Variants in CSMD1 observed in about 807,000 individuals in gnomAD.
CSMD1 encodes CUB and sushi domain-containing protein 1.
Under a neutral mutation model 417.5 loss-of-function variants are expected in CSMD1, and 213 were observed. The observed-to-expected ratio is 0.51, with a 90% CI of 0.46 to 0.57. CSMD1 has a LOEUF of 0.57. CSMD1 is among the 20% of genes least tolerant of loss of function. The pLI is 0.00. For synonymous variants in CSMD1, 2,862 were observed against 1,736.8 expected, an observed-to-expected ratio of 1.65 and a Z score of -16.11; for missense variants, 6,923 against 4,529.7, an observed-to-expected ratio of 1.53 and a Z score of -15.17.
chr8:3,897,986 C>T (rs192763682), intron 5 of CSMD1, among the ~76,000 whole-genome samples: 1 of 152,150 alleles, frequency 6.6e-6, no homozygotes, highest in African/African-American at 2.4e-5. Flanking sequence ...TCACGGAGAA[C>T]TGGAGAGCTC....
chr8:3,538,933 G>C (rs1051278223), intron 10 of CSMD1, among the ~76,000 whole-genome samples: 2 of 152,186 alleles, frequency 1.3e-5, no homozygotes, highest in African/African-American at 2.4e-5. Context: ...CCAGAGCAAC[G>C]TTTGTGAGAC....
chr8:3,787,646 G>T (rs1799518874), intron 5 of CSMD1, among the ~76,000 whole-genome samples: 1 of 152,054 alleles, frequency 6.6e-6, no homozygotes, highest in African/African-American at 2.4e-5. Flanking sequence ...GAGAAATAAG[G>T]CAGCTTGGTA....
At chr8:4,429,813 C>T (rs1468181256) in intron 2 of CSMD1, among the ~76,000 whole-genome samples, 2 of 152,114 alleles carry the variant, frequency 1.3e-5, no homozygotes, top group Non-Finnish European at 2.9e-5. Flanking sequence ...TCCCATCATA[C>T]CCAGGATCTC....
intron 8 of CSMD1, among the ~76,000 whole-genome samples, chr8:3,609,936 G>A (rs909091870): frequency 6.8e-6 from 1 of 147,506 alleles, no homozygotes; most frequent in African/African-American, 2.5e-5. Flanking sequence ...CAAGTAGCTG[G>A]GACTACGGGC....
intron 5 of CSMD1, among the ~76,000 whole-genome samples, chr8:3,977,049 C>G (rs1251425432): frequency 6.6e-6 from 1 of 152,182 alleles, no homozygotes; most frequent in Non-Finnish European, 1.5e-5. Context: ...TTACAACCAT[C>G]TTTTCTTGAA....
chr8:4,719,062 G>C (rs1808874417), intron 1 of CSMD1, among the ~76,000 whole-genome samples: 1 of 152,102 alleles, frequency 6.6e-6, no homozygotes, highest in South Asian at 2.1e-4. Context: ...AAAAAAAAGA[G>C]AGAGAGCTAG....
intron 19 of CSMD1, among the ~76,000 whole-genome samples, chr8:3,367,767 G>T (rs1373142735): frequency 1.3e-5 from 2 of 152,186 alleles, no homozygotes; most frequent in African/African-American, 4.8e-5. Context: ...GTTATATATA[G>T]ATACAGATAT....
At chr8:4,773,240 G>A (rs1796684626) in intron 1 of CSMD1, among the ~76,000 whole-genome samples, 1 of 152,084 alleles carries the variant, frequency 6.6e-6, no homozygotes, top group Admixed American at 6.6e-5. Context: ...AGACTTTGGG[G>A]TATTTCAGAT....
intron 5 of CSMD1, among the ~76,000 whole-genome samples, chr8:3,980,493 CT>C (rs2130174568): frequency 6.6e-6 from 1 of 152,240 alleles, no homozygotes. Flanking sequence ...ACAATTCACT[CT>C]GCTCGTCTCT....
intron 1 of CSMD1, among the ~76,000 whole-genome samples, chr8:4,686,930 C>A (rs1425420033): frequency 6.6e-6 from 1 of 152,172 alleles, no homozygotes; most frequent in African/African-American, 2.4e-5. Context: ...AATGGAGACG[C>A]ACTTGGAAGT....
At chr8:4,778,775 G>A (rs1445191676) in intron 1 of CSMD1, among the ~76,000 whole-genome samples, 1 of 152,160 alleles carries the variant, frequency 6.6e-6, no homozygotes, top group Non-Finnish European at 1.5e-5. Flanking sequence ...TTGTTTAGGA[G>A]AACATAACAT....
At chr8:4,232,434 G>T (rs948529843) in intron 3 of CSMD1, among the ~76,000 whole-genome samples, 7 of 152,112 alleles carry the variant, frequency 4.6e-5, no homozygotes, top group African/African-American at 1.7e-4. Flanking sequence ...CCTGACCTCA[G>T]GTGATCTGCC....
chr8:3,218,242 T>C (rs996687698), intron 29 of CSMD1, among the ~76,000 whole-genome samples: 2 of 152,082 alleles, frequency 1.3e-5, no homozygotes, highest in African/African-American at 4.8e-5. Context: ...GGTACAGATA[T>C]GTTGACATGG....
intron 2 of CSMD1, among the ~76,000 whole-genome samples, chr8:4,486,832 T>C (rs1030086080): frequency 6.6e-6 from 1 of 152,196 alleles, no homozygotes; most frequent in African/African-American, 2.4e-5. Context: ...AAAGTTCCAC[T>C]TGGCTATTGT....
intron 2 of CSMD1, among the ~76,000 whole-genome samples, chr8:4,614,405 G>C (rs755186390): frequency 3.9e-5 from 6 of 152,082 alleles, no homozygotes; most frequent in Non-Finnish European, 5.9e-5. Flanking sequence ...CAGATATTAA[G>C]GTCAGAAAAT....
At chr8:2,946,398 A>T (rs370594958) in intron 68 of CSMD1, among the ~76,000 whole-genome samples, 26 of 152,184 alleles carry the variant, frequency 1.7e-4, no homozygotes, top group African/African-American at 6.3e-4. Flanking sequence ...CTCTACCTTC[A>T]TCCCAACCTT....
chr8:3,905,158 A>T (rs1015398593), intron 5 of CSMD1, among the ~76,000 whole-genome samples: 2 of 152,322 alleles, frequency 1.3e-5, no homozygotes, highest in South Asian at 2.1e-4. Flanking sequence ...TTAAAGAATG[A>T]TTAATAACAG....
intron 3 of CSMD1, among the ~76,000 whole-genome samples, chr8:4,212,757 T>C (rs1433884012): frequency 8.8e-6 from 1 of 113,294 alleles, no homozygotes; most frequent in Non-Finnish European, 1.9e-5. Flanking sequence ...TATTCTTTTT[T>C]TTTTTTTTTT....
At chr8:4,246,904 G>A (rs1472893144) in intron 3 of CSMD1, among the ~76,000 whole-genome samples, 2 of 152,034 alleles carry the variant, frequency 1.3e-5, no homozygotes, top group Admixed American at 6.6e-5. Flanking sequence ...GTGCATAAAT[G>A]TTTCTTCAAA....
Sources: allele counts gnomAD v4.1 joint callset (sites outside exome capture counted in the v4.1 genomes callset), GRCh38; gene constraint gnomAD v4.1.1; transcripts MANE v1.5; gene names NCBI Gene and HGNC (gene_info 2026-07-23, HGNC 2026-07-21).